Variants in ME1 observed in about 807,000 individuals in gnomAD.
ME1 encodes NADP-dependent malic enzyme.
ME1 carries 74 observed loss-of-function variants against 66.4 expected under a neutral mutation model. The observed-to-expected ratio is 1.11, with a 90% CI of 0.92 to 1.35. The LOEUF is 1.35. Among genes scored for constraint, ME1 ranks in the 40% most tolerant of loss-of-function variants. ME1 has a pLI of 0.00. For synonymous variants in ME1, 251 were observed against 235.6 expected (o/e 1.07, Z -0.60); for missense variants, 750 against 694.1 (o/e 1.08, Z -0.90).
intron 3 of ME1, among the ~76,000 whole-genome samples, chr6:83,367,908 C>T (rs1769128748): frequency 6.6e-6 from 1 of 152,170 alleles, no homozygotes; most frequent in African/African-American, 2.4e-5. Context: ...CACAAGAGGC[C>T]TAGCTTGCAG....
At chr6:83,379,848 G>T (rs1331220958) in intron 3 of ME1, among the ~76,000 whole-genome samples, 1 of 152,034 alleles carries the variant, frequency 6.6e-6, no homozygotes, top group Non-Finnish European at 1.5e-5. Context: ...TTGAATTGTA[G>T]ATAAATCAGT....
chr6:83,288,934 C>T (rs1231825076), intron 6 of ME1, among the ~76,000 whole-genome samples: 10 of 151,596 alleles, frequency 6.6e-5, no homozygotes, highest in Non-Finnish European at 1.5e-4. Context: ...TAGGAGTTCA[C>T]TCATGGCTCT....
Position 83,374,107 on chromosome 6 carries a change from G to C in ME1, c.363-21968C>G, listed in dbSNP as rs182167316. ...AATAGAATGATTTATATTCCTTTAGGTATATATCCAGAAAAGGGATTGCTG... is the reference window on the plus strand; with the variant it reads ...AATAGAATGATTTATATTCCTTTAGCTATATATCCAGAAAAGGGATTGCTG... On this transcript the variant is annotated intron_variant, in intron 3 of 13. Transcript: ENST00000369705. Among the ~76,000 whole-genome samples, 7 of 152,192 alleles carry C rather than the reference G, an allele frequency of 4.6e-5. No homozygotes were observed. In the East Asian group the frequency reaches 1.4e-3, roughly 29 times the overall value.
At chr6:83,239,430 C>T in intron 8 of ME1, 109 bp downstream of exon 8, 3 of 704,908 alleles carry the variant, frequency 4.3e-6, no homozygotes, top group Non-Finnish European at 7.4e-6. Context: ...AGCCTACAGT[C>T]ATAATATACT....
intron 5 of ME1, among the ~76,000 whole-genome samples, chr6:83,327,462 C>T (rs1211024058): frequency 6.6e-6 from 1 of 152,142 alleles, no homozygotes; most frequent in African/African-American, 2.4e-5. Context: ...GAACTGGCCC[C>T]CCCGGGGCAC....
At chr6:83,330,411 A>G (rs1050068727) in intron 5 of ME1, among the ~76,000 whole-genome samples, 1 of 152,226 alleles carries the variant, frequency 6.6e-6, no homozygotes, top group African/African-American at 2.4e-5. Context: ...AAATGTCAGC[A>G]TGCATATGAG....
chr6:83,427,036 A>G (rs940501236), intron 1 of ME1, among the ~76,000 whole-genome samples: 40 of 152,222 alleles, frequency 2.6e-4, no homozygotes, highest in Middle Eastern at 3.2e-3. Context: ...TTATTGAGAA[A>G]AAAATTTAAA....
rs186086233 is a variant in ME1 at position 83,256,438 on chromosome 6, A to G, written c.705-2700T>C. ...TATGTGGCCAATAAACATATGAAAAAAAAGCTCATCATCACTGGTCATTAC... is the reference window on the plus strand; with the variant it reads ...TATGTGGCCAATAAACATATGAAAAGAAAGCTCATCATCACTGGTCATTAC... On this transcript the variant is annotated intron_variant, in intron 6 of 13. Coordinates refer to ENST00000369705, the MANE Select transcript of ME1 (RefSeq NM_002395.6). 4.9e-3 allele frequency among the ~76,000 whole-genome samples: 750 copies of G among 152,350 alleles called. 1 individual carries two copies. The highest frequency in any genetic ancestry group is 7.8e-3 in the Non-Finnish European group (528 of 68,024).
intron 6 of ME1, among the ~76,000 whole-genome samples, chr6:83,277,729 C>T (rs1767209736): frequency 6.6e-6 from 1 of 151,788 alleles, no homozygotes; most frequent in South Asian, 2.1e-4. Flanking sequence ...TGGTGAAACC[C>T]CGTCACTACC....
intron 4 of ME1, among the ~76,000 whole-genome samples, chr6:83,347,047 G>A (rs1331018825): frequency 4.6e-5 from 7 of 152,024 alleles, no homozygotes; most frequent in South Asian, 2.1e-4. Flanking sequence ...TCTGCCTACC[G>A]GGTTCAGGCA....
intron 5 of ME1, among the ~76,000 whole-genome samples, chr6:83,333,949 CA>C (rs200657976): frequency 0.015 from 2,230 of 151,940 alleles, 17 homozygotes; most frequent in Middle Eastern, 0.024. Context: ...AACTCCAAGT[CA>C]GGGGGGGAGG....
chr6:83,299,586 CTT>C (rs1767674263), intron 6 of ME1, among the ~76,000 whole-genome samples: 1 of 152,076 alleles, frequency 6.6e-6, no homozygotes, highest in African/African-American at 2.4e-5. Flanking sequence ...TTTGAATACT[CTT>C]TATTTTTTTC....
intron 3 of ME1, among the ~76,000 whole-genome samples, chr6:83,384,352 A>G (rs1561998444): frequency 6.6e-6 from 1 of 151,854 alleles, no homozygotes; most frequent in Non-Finnish European, 1.5e-5. Context: ...TAACTTTTTA[A>G]TAATAGTCAT....
intron 3 of ME1, among the ~76,000 whole-genome samples, chr6:83,375,787 A>C (rs1769276714): frequency 6.6e-6 from 1 of 152,160 alleles, no homozygotes; most frequent in African/African-American, 2.4e-5. Context: ...TAGTTTGTTG[A>C]GAGTTTTTAA....
intron 7 of ME1, among the ~76,000 whole-genome samples, chr6:83,245,286 T>C (rs1045947155): frequency 1.3e-5 from 2 of 152,296 alleles, no homozygotes; most frequent in African/African-American, 2.4e-5. Flanking sequence ...ATATGGTCTA[T>C]GGTCATAGAC....
chr6:83,361,942 C>A (rs556784609), intron 3 of ME1, among the ~76,000 whole-genome samples: 11 of 152,298 alleles, frequency 7.2e-5, no homozygotes, highest in Non-Finnish European at 1.3e-4. Flanking sequence ...ACCCTGACTT[C>A]TCTTCCCCAG....
At chr6:83,401,401 C>T (rs1311765733) in intron 2 of ME1, among the ~76,000 whole-genome samples, 16 of 152,008 alleles carry the variant, frequency 1.1e-4, no homozygotes, top group East Asian at 9.6e-4. Context: ...TCTATAACCC[C>T]AATATCTAAA....
intron 3 of ME1, among the ~76,000 whole-genome samples, chr6:83,374,836 C>CCAGG (rs1769257250): frequency 1.3e-5 from 2 of 152,260 alleles, no homozygotes; most frequent in East Asian, 3.9e-4. Context: ...TTCCCAGCAC[C>CCAGG]ATTTATTAAA....
chr6:83,296,294 A>G (rs530220552), intron 6 of ME1, among the ~76,000 whole-genome samples: 1 of 152,360 alleles, frequency 6.6e-6, no homozygotes, highest in Admixed American at 6.5e-5. Flanking sequence ...AACTGAATCC[A>G]GCAGCACATC....
Sources: gnomAD v4.1 joint callset for allele counts (sites outside exome capture counted in the v4.1 genomes callset) on GRCh38, gnomAD v4.1.1 for gene constraint, MANE v1.5 for transcripts, NCBI Gene and HGNC (gene_info 2026-07-23, HGNC 2026-07-21) for gene names.